The following NEK7 variants were observed in gnomAD, a reference collection of about 807,000 sequenced individuals.
NEK7 encodes the protein serine/threonine-protein kinase Nek7.
NEK7 carries 18 observed loss-of-function variants against 44.6 expected under a neutral mutation model. That is an observed-to-expected ratio of 0.40 (90% CI 0.28 to 0.60). The LOEUF (loss-of-function observed/expected upper bound fraction) is 0.60. NEK7 is among the 20% of genes least tolerant of loss of function. NEK7 has a pLI of 0.38. For synonymous variants in NEK7, 130 were observed against 121.1 expected, an observed-to-expected ratio of 1.07 and a Z score of -0.48; for missense variants, 256 against 366.5, an observed-to-expected ratio of 0.70 and a Z score of 2.46.
At chr1:198,174,759 G>GT (rs1558041826) in intron 1 of NEK7, among the ~76,000 whole-genome samples, 1 of 151,424 alleles carries the variant, frequency 6.6e-6, no homozygotes, top group African/African-American at 2.4e-5. Context: ...TTTGTTTTTT[G>GT]TTGTTTTTTT....
chr1:198,186,728 A>G (rs6670073), intron 1 of NEK7, among the ~76,000 whole-genome samples: 24,200 of 152,192 alleles, frequency 0.16, 2,600 homozygotes, highest in East Asian at 0.58. Flanking sequence ...TGCTGAGGAA[A>G]AATTCATCCA....
chr1:198,227,475 A>G (rs1049198669), intron 1 of NEK7, among the ~76,000 whole-genome samples: 6 of 152,306 alleles, frequency 3.9e-5, no homozygotes, highest in Admixed American at 3.9e-4. Flanking sequence ...ACTAGTTTAC[A>G]GTCCCACCAA....
intron 3 of NEK7, among the ~76,000 whole-genome samples, chr1:198,253,627 G>T (rs1156983730): frequency 1.3e-5 from 2 of 152,076 alleles, no homozygotes; most frequent in African/African-American, 4.8e-5. Flanking sequence ...TTATTTACTT[G>T]GAAATAAAAA....
intron 9 of NEK7, among the ~76,000 whole-genome samples, chr1:198,301,594 G>A (rs189803913): frequency 1.1e-4 from 16 of 152,304 alleles, no homozygotes; most frequent in Non-Finnish European, 1.9e-4. Context: ...TTCATGTTAG[G>A]TTTGAGGAGA....
chr1:198,258,233 G>A (rs968157881), intron 3 of NEK7, among the ~76,000 whole-genome samples: 7 of 152,172 alleles, frequency 4.6e-5, no homozygotes, highest in African/African-American at 1.7e-4. Context: ...GAAGTCAAGA[G>A]ATCAAGACCA....
chr1:198,223,195 A>G (rs1666119623), intron 1 of NEK7, among the ~76,000 whole-genome samples: 1 of 152,218 alleles, frequency 6.6e-6, no homozygotes, highest in African/African-American at 2.4e-5. Flanking sequence ...TATGTTTTCA[A>G]AATATCACTT....
chr1:198,204,975 T>C (rs1665552313), intron 1 of NEK7, among the ~76,000 whole-genome samples: 2 of 152,062 alleles, frequency 1.3e-5, no homozygotes, highest in African/African-American at 4.8e-5. Context: ...ATAACAACAA[T>C]ATTAACAACA....
chr1:198,189,111 T>C (rs1664996695), intron 1 of NEK7, among the ~76,000 whole-genome samples: 1 of 152,216 alleles, frequency 6.6e-6, no homozygotes, highest in African/African-American at 2.4e-5. Flanking sequence ...GGAAATACAT[T>C]GGTGTTAAAA....
chr1:198,162,044 T>C (rs1336962983), intron 1 of NEK7, among the ~76,000 whole-genome samples: 1 of 152,116 alleles, frequency 6.6e-6, no homozygotes, highest in Non-Finnish European at 1.5e-5. Context: ...GGAAAGAGCC[T>C]GTGCTTTAGC....
chr1:198,295,055 G>C (rs1305890401), intron 8 of NEK7, among the ~76,000 whole-genome samples: 6 of 140,824 alleles, frequency 4.3e-5, no homozygotes, highest in Admixed American at 2.1e-4. Context: ...TTTAAACTCA[G>C]AAAATTAGAC....
At chr1:198,316,659 C>T (rs2103046292) in intron 9 of NEK7, among the ~76,000 whole-genome samples, 1 of 152,288 alleles carries the variant, frequency 6.6e-6, no homozygotes, top group Admixed American at 6.5e-5. Context: ...TTCTGTCTAT[C>T]TTCCGCTAGA....
intron 6 of NEK7, among the ~76,000 whole-genome samples, 157 bp downstream of exon 6, chr1:198,278,226 ACT>A (rs1164744333): frequency 1.9e-4 from 29 of 149,302 alleles, no homozygotes; most frequent in African/African-American, 6.8e-4. Flanking sequence ...ATAAAGCACT[ACT>A]AGGTTTTAAA....
intron 9 of NEK7, among the ~76,000 whole-genome samples, chr1:198,313,632 CTGG>C (rs2103040197): frequency 7.3e-6 from 1 of 136,808 alleles, no homozygotes; most frequent in South Asian, 2.7e-4. Flanking sequence ...TAGGGCAGGC[CTGG>C]TGGTGACAAA....
chr1:198,165,517 G>T (rs12408738), intron 1 of NEK7, among the ~76,000 whole-genome samples: 14,581 of 152,194 alleles, frequency 0.096, 968 homozygotes, highest in South Asian at 0.23. Flanking sequence ...TAGGTACATT[G>T]TCAATTAGTA....
intron 1 of NEK7, among the ~76,000 whole-genome samples, chr1:198,218,741 A>G (rs1665997085): frequency 6.6e-6 from 1 of 151,700 alleles, no homozygotes; most frequent in Non-Finnish European, 1.5e-5. Context: ...GATTGGCAAA[A>G]AAAAAAAGCA....
intron 1 of NEK7, among the ~76,000 whole-genome samples, chr1:198,210,624 C>CATTT (rs1665733995): frequency 7.4e-6 from 1 of 134,968 alleles, no homozygotes; most frequent in Non-Finnish European, 1.6e-5. Context: ...ATCTTGATAT[C>CATTT]ATTTTTTCTA....
At chr1:198,260,316 AAGCTTAATGTATACAAC>A (rs1289020932) in intron 3 of NEK7, among the ~76,000 whole-genome samples, 1 of 151,976 alleles carries the variant, frequency 6.6e-6, no homozygotes, top group Non-Finnish European at 1.5e-5. Flanking sequence ...CATTTTGTCA[AAGCTTAATGTATACAAC>A]AGCTTAATGT....
intron 2 of NEK7, among the ~76,000 whole-genome samples, chr1:198,251,174 G>C (rs2102918771): frequency 6.6e-6 from 1 of 151,796 alleles, no homozygotes; most frequent in African/African-American, 2.4e-5. Flanking sequence ...TTATATGCTG[G>C]ATTACATTGA....
At chr1:198,191,346 A>T (rs1665066128) in intron 1 of NEK7, among the ~76,000 whole-genome samples, 1 of 152,020 alleles carries the variant, frequency 6.6e-6, no homozygotes, top group Non-Finnish European at 1.5e-5. Context: ...TAATTTTTTT[A>T]GCCCATCTGA....
Sources: allele counts gnomAD v4.1 joint callset (sites outside exome capture counted in the v4.1 genomes callset), GRCh38; gene constraint gnomAD v4.1.1; transcripts MANE v1.5; gene names NCBI Gene and HGNC (gene_info 2026-07-23, HGNC 2026-07-21).